The following TLK1 variants were observed in gnomAD, a reference collection of about 807,000 sequenced individuals.
The protein encoded by TLK1 is serine/threonine-protein kinase tousled-like 1.
TLK1 carries 24 observed loss-of-function variants against 105.3 expected under a neutral mutation model. The observed-to-expected ratio is 0.23, with a 90% confidence interval of 0.17 to 0.32. The LOEUF is 0.32. Among genes scored for constraint, TLK1 ranks in the 10% least tolerant of loss-of-function variants. The pLI is 1.00. For missense variants in TLK1, 558 were observed against 910.5 expected (o/e 0.61, Z 4.98); for synonymous variants, 321 against 310.4 (o/e 1.03, Z -0.36).
chr2:171,117,871 A>C lies in TLK1; in HGVS notation c.140-14T>G. On this transcript the variant is annotated splice_polypyrimidine_tract_variant and intron_variant, in intron 1 of 20. Transcript: ENST00000431350. ...CATCCATTGCACCTATTAAGAAAAA[A>C]AAATATATATGTACACATATATATG... 6.4e-7 allele frequency: 1 copy of C among 1,559,420 alleles called. No individual in the cohort carries two copies. Among genetic ancestry groups the C allele is most frequent in the South Asian group, 1.1e-5 (1 of 88,068 alleles).
In TLK1 at chr2:170,993,354, T is replaced by G. The variant is rs1296714350; in HGVS notation, c.*426A>C. On this transcript the variant is annotated 3_prime_UTR_variant, in exon 21 of 21. Coordinates refer to ENST00000431350, the MANE Select transcript of TLK1 (RefSeq NM_012290.5). ...TATCCAGGCACTATAGTTCGTATGT[T>G]AGAAATATGTCTCATATTTTTCCAT... 1 of 153,676 alleles carries G rather than the reference T, an allele frequency of 6.5e-6. No homozygotes were observed. Among genetic ancestry groups the G allele is most frequent in the Admixed American group, 6.5e-5 (1 of 15,308 alleles). The allele number at this position is 153,676 out of a possible 1,614,324, so 9.5% of individuals were successfully genotyped here.
intron 2 of TLK1, among the ~76,000 whole-genome samples, chr2:171,111,588 A>AC (rs1048598868): frequency 5.3e-5 from 8 of 150,002 alleles, no homozygotes; most frequent in African/African-American, 1.7e-4. Flanking sequence ...CTGTATTCAA[A>AC]AAAAAAAAAA....
chr2:171,111,494 G>C (rs561088861), intron 2 of TLK1, among the ~76,000 whole-genome samples: 1 of 151,772 alleles, frequency 6.6e-6, no homozygotes, highest in Non-Finnish European at 1.5e-5. Flanking sequence ...CTGAGATAGA[G>C]GGACTGCTTG....
chr2:171,121,506 G>A (rs911144163), intron 1 of TLK1, among the ~76,000 whole-genome samples: 3 of 152,158 alleles, frequency 2.0e-5, no homozygotes, highest in Non-Finnish European at 4.4e-5. Flanking sequence ...ACTCCACGCT[G>A]GGTGACACAG....
intron 1 of TLK1, among the ~76,000 whole-genome samples, chr2:171,168,996 TGAACCTGGGAGGCA>T (rs1682809392): frequency 6.6e-6 from 1 of 151,970 alleles, no homozygotes; most frequent in Admixed American, 6.6e-5. Context: ...GAGAATCGCT[TGAACCTGGGAGGCA>T]GAGGTTGCAG....
intron 12 of TLK1, among the ~76,000 whole-genome samples, chr2:171,022,084 AAAACACACACACACACACACACAC>A (rs1685539977): frequency 6.7e-5 from 1 of 14,886 alleles, no homozygotes; most frequent in Non-Finnish European, 2.2e-4. Flanking sequence ...GCCTGGGCGA[AAAACACACACACACACACACACAC>A]ACACACACAC....
At chr2:171,027,517 T>C (rs1685830655) in intron 12 of TLK1, among the ~76,000 whole-genome samples, 1 of 152,238 alleles carries the variant, frequency 6.6e-6, no homozygotes, top group African/African-American at 2.4e-5. Context: ...AGCAACATTT[T>C]TTCTCAGTTT....
At chr2:170,996,569 T>C in intron 20 of TLK1, 84 bp downstream of exon 20, 1 of 1,114,960 alleles carries the variant, frequency 9.0e-7, no homozygotes, top group Non-Finnish European at 1.3e-6. Flanking sequence ...GTGACTTTAC[T>C]TACTGGAAAG....
chr2:171,062,889 G>A (rs1687820325), intron 3 of TLK1, among the ~76,000 whole-genome samples: 1 of 152,114 alleles, frequency 6.6e-6, no homozygotes. Context: ...ACCCTAACTG[G>A]CCATCTACTC....
At chr2:171,184,854 T>TTTTC (rs1553487384) in intron 1 of TLK1, among the ~76,000 whole-genome samples, 6,766 of 106,378 alleles carry the variant, frequency 0.064, 454 homozygotes, top group East Asian at 0.44. Context: ...TGTTTGTTTG[T>TTTTC]TTGAGATGGA....
intron 1 of TLK1, among the ~76,000 whole-genome samples, chr2:171,143,782 G>C (rs1490831084): frequency 6.6e-6 from 1 of 152,100 alleles, no homozygotes; most frequent in East Asian, 1.9e-4. Flanking sequence ...AGGAGGGAAA[G>C]AGGACAAAAG....
At chr2:171,076,095 G>C (rs556866902) in intron 3 of TLK1, among the ~76,000 whole-genome samples, 1 of 152,190 alleles carries the variant, frequency 6.6e-6, no homozygotes, top group African/African-American at 2.4e-5. Context: ...GCGGGTGCCT[G>C]TAATCCCAGC....
chr2:171,151,319 C>T (rs566188395), intron 1 of TLK1, among the ~76,000 whole-genome samples: 10 of 151,580 alleles, frequency 6.6e-5, no homozygotes, highest in African/African-American at 2.4e-4. Context: ...GTGCCTGGCC[C>T]TTGGATACAT....
intron 10 of TLK1, 106 bp from the exon 11 acceptor site, chr2:171,046,468 C>CGTA: frequency 7.8e-7 from 1 of 1,279,678 alleles, no homozygotes; most frequent in Non-Finnish European, 1.0e-6. Flanking sequence ...AATATACATT[C>CGTA]GTAACCTTTT....
At chr2:171,203,870 C>T (rs539234909) in intron 1 of TLK1, among the ~76,000 whole-genome samples, 2 of 151,956 alleles carry the variant, frequency 1.3e-5, no homozygotes, top group East Asian at 1.9e-4. Flanking sequence ...GCCAACATGG[C>T]GAAACCCTAT....
chr2:171,204,645 A>ATTTTATTTTATATT (rs1189688567), intron 1 of TLK1, among the ~76,000 whole-genome samples: 1 of 152,140 alleles, frequency 6.6e-6, no homozygotes, highest in Non-Finnish European at 1.5e-5. Context: ...AAAAGGAAAA[A>ATTTTATTTTATATT]TCTACGTATT....
At position 171,055,453 on chromosome 2, in the gene TLK1, C is replaced by T. The variant is rs150363919; in HGVS notation, c.550-281G>A. On this transcript the variant is annotated intron_variant, in intron 6 of 20. Transcript: ENST00000431350. The stretch of plus-strand genomic sequence containing the variant: ...TAGTGCCATAAAAGAAATCTTAATG[C>T]TTTCATACAGTTAAAAAAAAAATAA... Among the ~76,000 whole-genome samples the T allele has an allele frequency of 9.1e-3, 1,375 of 151,620 alleles. 4 individuals carry two copies. Among genetic ancestry groups the T allele is most frequent in the Non-Finnish European group, 0.014 (960 of 67,776 alleles).
chr2:171,130,637 T>A (rs1464486638), intron 1 of TLK1, among the ~76,000 whole-genome samples: 3 of 152,108 alleles, frequency 2.0e-5, no homozygotes, highest in African/African-American at 7.2e-5. Context: ...AAGGAACATA[T>A]TAGCATTCCA....
intron 2 of TLK1, among the ~76,000 whole-genome samples, chr2:171,104,136 C>G (rs1558943900): frequency 6.6e-6 from 1 of 151,848 alleles, no homozygotes; most frequent in African/African-American, 2.4e-5. Context: ...ATTAGTTGGG[C>G]ATGGTGGTGG....
Sources: allele counts gnomAD v4.1 joint callset (sites outside exome capture counted in the v4.1 genomes callset), GRCh38; gene constraint gnomAD v4.1.1; transcripts MANE v1.5; gene names NCBI Gene and HGNC (gene_info 2026-07-23, HGNC 2026-07-21).